The following CEACAM4 variants were observed in gnomAD, a reference collection of about 807,000 sequenced individuals.
The protein encoded by CEACAM4 is cell adhesion molecule CEACAM4.
A neutral mutation model predicts 28.7 loss-of-function variants in CEACAM4; 30 were observed. The ratio of observed to expected loss-of-function variants is 1.05; its 90% confidence interval spans 0.78 to 1.42. CEACAM4 has a LOEUF of 1.42. Among genes scored for constraint, CEACAM4 ranks in the 40% most tolerant of loss-of-function variants. CEACAM4 has a pLI of 0.00. For missense variants in CEACAM4, 330 were observed against 308.2 expected (o/e 1.07, Z -0.53); for synonymous variants, 143 against 126.5 (o/e 1.13, Z -0.87).
chr19:41,619,688 T>TG lies in CEACAM4; in HGVS notation c.650dup (p.Ala218SerfsTer6). ...CACTCACCTCATAGATGGGAGTGGC[T>TG]GTTCTGGGGCTGGGTAGAGGGGCCT... On this transcript the variant is annotated frameshift_variant, in exon 6 of 7. Coordinates refer to ENST00000221954, the MANE Select transcript of CEACAM4 (RefSeq NM_001817.4). LOFTEE classifies it low-confidence loss of function (END_TRUNC). 6.3e-7 allele frequency: 1 copy of TG among 1,593,700 alleles called. No homozygotes were observed. The highest frequency in any genetic ancestry group is 8.6e-7 in the Non-Finnish European group (1 of 1,169,210).
downstream of CEACAM4, among the ~76,000 whole-genome samples, chr19:41,617,435 A>G (rs373805436): frequency 2.6e-5 from 4 of 152,164 alleles, no homozygotes; most frequent in East Asian, 3.9e-4. Flanking sequence ...GGAGTGATGG[A>G]CAGAACAAGG....
At chr19:41,621,125 C>T (rs1055222466) in intron 3 of CEACAM4, among the ~76,000 whole-genome samples, 10 of 152,120 alleles carry the variant, frequency 6.6e-5, no homozygotes, top group African/African-American at 2.4e-4. Context: ...TCTCTCTCCA[C>T]CCCTTGGCAA....
rs1555800384 is a variant in CEACAM4 at position 41,619,712 on chromosome 19, C to T, written c.628-1G>A. 5 of 1,579,266 alleles carry T rather than the reference C, an allele frequency of 3.2e-6. No individual in the cohort carries two copies. The highest frequency in any genetic ancestry group is 1.3e-5 in the African/African-American group (1 of 74,172). On this transcript the variant is annotated splice_acceptor_variant, in intron 5 of 6. Transcript: ENST00000221954. LOFTEE classifies it high-confidence loss of function. ...CTGTTCTGGGGCTGGGTAGAGGGGC[C>T]TGGGCAGGGGAGAGAGGAGATGTCA...
chr19:41,620,520 G>A (rs1270742293), intron 4 of CEACAM4, 55 bp downstream of exon 4: 30 of 1,466,310 alleles, frequency 2.0e-5, no homozygotes, highest in Non-Finnish European at 2.3e-5. Flanking sequence ...TGGCAGGAGT[G>A]GACACCGTAG....
chr19:41,626,070 G>C, intron 1 of CEACAM4, 110 bp from the exon 2 acceptor site: 1 of 31,358 alleles, frequency 3.2e-5, no homozygotes. Flanking sequence ...TGGAGTGTGT[G>C]TGTGTGTGTG....
chr19:41,616,780 G>C (rs1028712697), downstream of CEACAM4, among the ~76,000 whole-genome samples: 5 of 152,030 alleles, frequency 3.3e-5, no homozygotes, highest in Admixed American at 3.3e-4. Context: ...TGCTTCAAAG[G>C]TCAGGCACAG....
At position 41,619,727 on chromosome 19, in the gene CEACAM4, AG is replaced by A; in HGVS notation, c.628-17del. On this transcript the variant is annotated splice_polypyrimidine_tract_variant and intron_variant, in intron 5 of 6. Transcript: ENST00000221954. ...GTAGAGGGGCCTGGGCAGGGGAGAG[AG>A]GAGATGTCAGGGGACAGGGAGGGAG... is the stretch of plus-strand genomic sequence containing the variant. 1 of 1,552,922 alleles carries A rather than the reference AG, an allele frequency of 6.4e-7. No individual in the cohort carries two copies. The highest frequency in any genetic ancestry group is 8.7e-7 in the Non-Finnish European group (1 of 1,148,314).
chr19:41,619,107 G>A lies in CEACAM4; in HGVS notation c.*223C>T, dbSNP rs1367948294. 3.6e-6 allele frequency: 2 copies of A among 555,732 alleles called. No homozygotes were observed. Among genetic ancestry groups the A allele is most frequent in the South Asian group, 2.5e-5 (1 of 39,738 alleles). The allele number at this position is 555,732 out of a possible 1,614,324, so 34.4% of individuals were successfully genotyped here. A position where few individuals can be genotyped will look rare whatever the true frequency, so the allele number is the denominator to read the frequency against. On this transcript the variant is annotated 3_prime_UTR_variant, in exon 7 of 7. Transcript: ENST00000221954. The stretch of plus-strand genomic sequence containing the variant: ...CTTTCCTTGCAAGCCCCCGCTTCCT[G>A]TGGTGATGAGAGGCCTTTGTCCCGG...
intron 2 of CEACAM4, among the ~76,000 whole-genome samples, chr19:41,624,766 A>C (rs1290351789): frequency 2.0e-5 from 3 of 152,230 alleles, no homozygotes; most frequent in Non-Finnish European, 4.4e-5. Flanking sequence ...TGTAAATGGA[A>C]AATGGTCTGA....
intron 2 of CEACAM4, among the ~76,000 whole-genome samples, chr19:41,624,089 A>G (rs189997430): frequency 6.6e-6 from 1 of 152,242 alleles, no homozygotes; most frequent in Non-Finnish European, 1.5e-5. Context: ...AGGATCTTGT[A>G]TCCACATCTC....
downstream of CEACAM4, among the ~76,000 whole-genome samples, chr19:41,615,819 G>A (rs1396164231): frequency 6.6e-6 from 1 of 152,156 alleles, no homozygotes; most frequent in African/African-American, 2.4e-5. Context: ...TGACTAGCAG[G>A]GACACTGGAT....
At position 41,625,878 on chromosome 19, in the gene CEACAM4, C is replaced by T; in HGVS notation, c.147G>A (p.Lys49=). The T allele has an allele frequency of 6.2e-7, 1 of 1,614,016 alleles. No individual in the cohort carries two copies. Among genetic ancestry groups the T allele is most frequent in the South Asian group, 1.1e-5 (1 of 91,088 alleles). ...EALPSSAAEG[K]DVLLLACNIS... ...TATTGCAGGCCAGTAGAAGAACATC[C>T]TTTCCCTCTGCAGCACTGGACGGCA... The change falls in exon 2 of 7, where the codon AAG becomes AAA. Residue 49 remains lysine (K), a synonymous_variant. Transcript: ENST00000221954.
intron 2 of CEACAM4, among the ~76,000 whole-genome samples, chr19:41,622,025 A>G (rs1355730832): frequency 2.6e-5 from 4 of 151,558 alleles, no homozygotes; most frequent in African/African-American, 9.7e-5. Context: ...CTGCTCCTGT[A>G]CCTTTAAATC....
chr19:41,620,639 C>G lies in CEACAM4; in HGVS notation c.543-12G>C, dbSNP rs375307490. On this transcript the variant is annotated splice_polypyrimidine_tract_variant and intron_variant, in intron 3 of 6. Coordinates refer to ENST00000221954, the MANE Select transcript of CEACAM4 (RefSeq NM_001817.4). ...GCTGGATGCTGGCCCTAGGAAAGGT[C>G]AGGATTATTCATGAGGGTGCAGGGA... 5.6e-6 allele frequency: 9 copies of G among 1,611,204 alleles called. No homozygotes were observed. In the African/African-American group the frequency reaches 1.1e-4, roughly 19 times the overall value.
chr19:41,619,414 G>A lies in CEACAM4; in HGVS notation c.670-19C>T. ...GCAATTCCTGTAAAAACAGAGAAGA[G>A]GCCTCAACCCCTGTAGCCTTCTCAG... On this transcript the variant is annotated intron_variant, in intron 6 of 6. Coordinates refer to ENST00000221954, the MANE Select transcript of CEACAM4 (RefSeq NM_001817.4). The A allele has an allele frequency of 6.2e-7, 1 of 1,612,824 alleles. No individual in the cohort carries two copies. The highest frequency in any genetic ancestry group is 8.5e-7 in the Non-Finnish European group (1 of 1,178,880).
intron 2 of CEACAM4, among the ~76,000 whole-genome samples, chr19:41,625,187 G>A (rs555067171): frequency 2.6e-5 from 4 of 152,286 alleles, no homozygotes; most frequent in African/African-American, 9.6e-5. Context: ...CCCTGCCCAG[G>A]AGACCACACC....
At chr19:41,622,092 T>C (rs1458873996) in intron 2 of CEACAM4, among the ~76,000 whole-genome samples, 12 of 152,034 alleles carry the variant, frequency 7.9e-5, no homozygotes, top group African/African-American at 2.4e-4. Flanking sequence ...TTTTCTTTTT[T>C]TTTTGGATGG....
At chr19:41,619,548 A>G in intron 6 of CEACAM4, 122 bp downstream of exon 6, 1 of 1,540,090 alleles carries the variant, frequency 6.5e-7, no homozygotes, top group Non-Finnish European at 8.8e-7. Flanking sequence ...TCCTCTGCTC[A>G]CCACCACCTG....
rs1555800394 is a variant in CEACAM4, at chr19:41,619,718, A to G, written c.628-7T>C. 1.3e-6 allele frequency: 2 copies of G among 1,560,336 alleles called. No individual in the cohort carries two copies. Among genetic ancestry groups the G allele is most frequent in the Non-Finnish European group, 1.7e-6 (2 of 1,152,192 alleles). ...TGGGGCTGGGTAGAGGGGCCTGGGC[A>G]GGGGAGAGAGGAGATGTCAGGGGAC... On this transcript the variant is annotated splice_region_variant and splice_polypyrimidine_tract_variant and intron_variant, in intron 5 of 6. Coordinates refer to ENST00000221954, the MANE Select transcript of CEACAM4 (RefSeq NM_001817.4).
Sources: allele counts gnomAD v4.1 joint callset (sites outside exome capture counted in the v4.1 genomes callset), GRCh38; gene constraint gnomAD v4.1.1; transcripts MANE v1.5; gene names NCBI Gene and HGNC (gene_info 2026-07-23, HGNC 2026-07-21).